STIM1: variants seen among roughly 807,000 people sequenced by gnomAD.
STIM1 encodes stromal interaction molecule 1.
A neutral mutation model predicts 74.7 loss-of-function variants in STIM1; 25 were observed. That is an observed-to-expected ratio of 0.33 (90% confidence interval 0.24 to 0.47). The LOEUF is 0.47. Ranked by LOEUF, STIM1 falls within the 20% of genes least tolerant of loss-of-function variation. The pLI is 1.00. For missense variants in STIM1, 728 were observed against 920.8 expected, an observed-to-expected ratio of 0.79 and a Z score of 2.71; for synonymous variants, 328 against 348.8, an observed-to-expected ratio of 0.94 and a Z score of 0.66.
At chr11:4,048,807 C>T (rs1023404221) in intron 3 of STIM1, among the ~76,000 whole-genome samples, 5 of 151,818 alleles carry the variant, frequency 3.3e-5, no homozygotes, top group East Asian at 1.9e-4. Context: ...GATCTCAGCT[C>T]GCTGCAACCT....
chr11:4,083,562 GC>G (rs1267620554), intron 10 of STIM1, 64 bp downstream of exon 10: 4 of 1,497,516 alleles, frequency 2.7e-6, no homozygotes, highest in Non-Finnish European at 2.7e-6. Flanking sequence ...GAAGTCTGTG[GC>G]CTCTGTTGTG....
In STIM1 at chr11:4,084,724, C is replaced by T; in HGVS notation, c.1526C>T (p.Thr509Ile). The change falls in exon 11 of 13, where the codon ACA (threonine) becomes ATA (isoleucine). Residue 509 changes from threonine (T) to isoleucine (I), a missense_variant. Physicochemically the swap from Thr to Ile is moderately conservative, Grantham distance 89 (BLOSUM62 -1). Around this residue, in one of 5 missense-constraint regions of STIM1, gnomAD observed 352 missense variants for 370.1 expected, o/e 0.95. Transcript: ENST00000526596. ...RRFSDRSLCSTSAGSDDQSLW... is the reference protein window; with the variant it reads ...RRFSDRSLCSISAGSDDQSLW... ...TTCAGTGACCGCTCTCTCTGCTCTA[C>T]ATCCGCCGGCTCGGATGATCAGTCC... The T allele has an allele frequency of 7.8e-7, 1 of 1,289,432 alleles. No individual in the cohort carries two copies. Among genetic ancestry groups the T allele is most frequent in the South Asian group, 1.2e-5 (1 of 81,030 alleles). 79.9% of individuals were successfully genotyped at this position (1,289,432 alleles called of 1,614,324 possible).
intron 11 of STIM1, among the ~76,000 whole-genome samples, chr11:4,084,986 T>G (rs1326309081): frequency 2.6e-5 from 4 of 152,018 alleles, no homozygotes; most frequent in African/African-American, 9.7e-5. Flanking sequence ...ATGGAAGGCT[T>G]AGGCTTCTCC....
intron 1 of STIM1, among the ~76,000 whole-genome samples, chr11:3,966,082 A>G (rs766275710): frequency 2.4e-4 from 37 of 152,120 alleles, no homozygotes; most frequent in Non-Finnish European, 4.9e-4. Context: ...CCATATTATC[A>G]CCTGTGGCTT....
At chr11:3,961,867 A>G (rs1396859796) in intron 1 of STIM1, among the ~76,000 whole-genome samples, 1 of 152,210 alleles carries the variant, frequency 6.6e-6, no homozygotes, top group Non-Finnish European at 1.5e-5. Context: ...AGGATAAAGC[A>G]TAGGAGAAAA....
intron 7 of STIM1, among the ~76,000 whole-genome samples, chr11:4,079,695 T>C (rs541155404): frequency 6.6e-6 from 1 of 152,376 alleles, no homozygotes; most frequent in South Asian, 2.1e-4. Context: ...TGCATACAGC[T>C]TTCTCCAGAT....
chr11:3,928,452 C>A (rs1590573822), intron 1 of STIM1, among the ~76,000 whole-genome samples: 1 of 152,114 alleles, frequency 6.6e-6, no homozygotes, highest in African/African-American at 2.4e-5. Context: ...GTCTTGAACT[C>A]CTGACCTCAG....
chr11:4,086,467 C>T lies in STIM1; in HGVS notation c.1568-10C>T, dbSNP rs2094493716. The T allele has an allele frequency of 1.9e-6, 3 of 1,613,638 alleles. No individual in the cohort carries two copies. The highest frequency in any genetic ancestry group is 1.3e-5 in the African/African-American group (1 of 74,926). On this transcript the variant is annotated splice_polypyrimidine_tract_variant and intron_variant, in intron 11 of 12. Transcript: ENST00000526596. ...GGCCCCTCCTGACACTTTCTTTATT[C>T]TCCTTGCAGCCCCTAGCCTGCAGAG... is the stretch of plus-strand genomic sequence containing the variant.
chr11:3,927,626 G>A (rs1003609923), intron 1 of STIM1, among the ~76,000 whole-genome samples: 4 of 152,178 alleles, frequency 2.6e-5, no homozygotes, highest in Admixed American at 2.0e-4. Flanking sequence ...AGTGATGGTG[G>A]TGCAGGTAGC....
At chr11:3,872,808 AC>A (rs1449734503) in intron 1 of STIM1, among the ~76,000 whole-genome samples, 1 of 152,122 alleles carries the variant, frequency 6.6e-6, no homozygotes, top group Non-Finnish European at 1.5e-5. Flanking sequence ...GGCGTGAGCC[AC>A]CGTGTCTGGC....
At chr11:4,056,129 C>T (rs1291733490) in intron 4 of STIM1, among the ~76,000 whole-genome samples, 4 of 152,052 alleles carry the variant, frequency 2.6e-5, no homozygotes, top group South Asian at 2.1e-4. Context: ...TTTTATCACC[C>T]GGGAGCCTCA....
chr11:4,092,709 C>G lies in STIM1; in HGVS notation c.*911C>G, dbSNP rs754137782. On this transcript the variant is annotated 3_prime_UTR_variant, in exon 13 of 13. Transcript: ENST00000526596. The stretch of plus-strand genomic sequence containing the variant: ...CCATGATACAGGGCTCTTATGGAGC[C>G]CTGGAGTTGTTGGGCAAGGATGCTG... 6 of 152,090 alleles carry G rather than the reference C, an allele frequency of 3.9e-5. No homozygotes were observed. The highest frequency in any genetic ancestry group is 3.3e-4 in the Admixed American group (5 of 15,280). The allele number at this position is 152,090 out of a possible 1,614,324, so 9.4% of individuals were successfully genotyped here. A position where few individuals can be genotyped will look rare whatever the true frequency, so the allele number is the denominator to read the frequency against.
intron 1 of STIM1, among the ~76,000 whole-genome samples, chr11:3,934,396 T>A (rs1213646576): frequency 6.6e-6 from 1 of 152,182 alleles, no homozygotes; most frequent in Non-Finnish European, 1.5e-5. Flanking sequence ...TGTTCCCTCA[T>A]CCTTGAAGGC....
At chr11:3,950,834 T>TCCA (rs2093137954) in intron 1 of STIM1, among the ~76,000 whole-genome samples, 1 of 152,150 alleles carries the variant, frequency 6.6e-6, no homozygotes, top group South Asian at 2.1e-4. Context: ...CTTGCTTTGT[T>TCCA]GCCCAGGCTG....
At chr11:3,992,081 GTTTTTTTGTTTTTTT>G (rs1349772903) in intron 2 of STIM1, among the ~76,000 whole-genome samples, 2 of 91,964 alleles carry the variant, frequency 2.2e-5, no homozygotes, top group Non-Finnish European at 4.0e-5. Context: ...GCCAACATCT[GTTTTTTTGTTTTTTT>G]TTTTTTTTTT....
chr11:4,059,134 C>A lies in STIM1; in HGVS notation c.498-147C>A, dbSNP rs906500209. On this transcript the variant is annotated intron_variant, in intron 4 of 12. Coordinates refer to ENST00000526596, the MANE Select transcript of STIM1 (RefSeq NM_001382567.1). ...GTCTCTCCATATACCCTGTTGAGAC[C>A]CAACTGGTATAGACTCTGTGTTCTA... 5.0e-6 allele frequency: 4 copies of A among 806,900 alleles called. No homozygotes were observed. In the Admixed American group the frequency reaches 8.5e-5, roughly 17 times the overall value. 50.0% of individuals were successfully genotyped at this position (806,900 alleles called of 1,614,324 possible).
rs1047900519 is a variant in STIM1, at chr11:4,026,863, T to G, written c.385+2876T>G. 7.9e-5 allele frequency among the ~76,000 whole-genome samples: 12 copies of G among 152,296 alleles called. No homozygotes were observed. In the South Asian group the frequency reaches 2.3e-3, roughly 29 times the overall value. ...TGCCAGCCAGGAAACTCAACTGAAC[T>G]TTGGTGTTCAGTGTTTTTCTTAGGG... is the stretch of plus-strand genomic sequence containing the variant. On this transcript the variant is annotated intron_variant, in intron 3 of 12. Transcript: ENST00000526596.
chr11:3,938,351 TTG>T (rs201971130), intron 1 of STIM1, among the ~76,000 whole-genome samples: 6,629 of 152,234 alleles, frequency 0.044, 445 homozygotes, highest in African/African-American at 0.14. Context: ...TTCTTCAGCT[TTG>T]CATACCAAGG....
At chr11:3,991,973 G>GA (rs35772913) in intron 2 of STIM1, among the ~76,000 whole-genome samples, 2,239 of 82,192 alleles carry the variant, frequency 0.027, 57 homozygotes, top group African/African-American at 0.083. Context: ...AAAAAAAAAA[G>GA]AAAAAAAAAA....
Sources: allele counts gnomAD v4.1 joint callset (sites outside exome capture counted in the v4.1 genomes callset), GRCh38; gene constraint gnomAD v4.1.1; regional missense constraint gnomAD v4.1.1; transcripts MANE v1.5; gene names NCBI Gene and HGNC (gene_info 2026-07-23, HGNC 2026-07-21).